Variants in SRD5A2 observed in about 807,000 individuals in gnomAD.
SRD5A2 encodes steroid 5 alpha-reductase 2, also known as 3-oxo-5-alpha-steroid 4-dehydrogenase 2.
SRD5A2 carries 30 observed loss-of-function variants against 27.4 expected under a neutral mutation model. That is an observed-to-expected ratio of 1.10 (90% CI 0.82 to 1.49). SRD5A2 has a LOEUF of 1.49. Ranked by LOEUF, SRD5A2 falls within the 40% of genes most tolerant of loss-of-function variation. The pLI is 0.00. For missense variants in SRD5A2, 348 were observed against 323.4 expected (o/e 1.08, Z -0.58); for synonymous variants, 141 against 133.6 (o/e 1.06, Z -0.38).
chr2:31,579,977 T>C (rs1184818586), intron 1 of SRD5A2, among the ~76,000 whole-genome samples: 2 of 152,178 alleles, frequency 1.3e-5, no homozygotes, highest in Admixed American at 1.3e-4. Flanking sequence ...TTGGTCCCTT[T>C]TGGGAGGGGC....
At chr2:31,539,399 G>GT (rs2148070863) in intron 1 of SRD5A2, among the ~76,000 whole-genome samples, 1 of 152,314 alleles carries the variant, frequency 6.6e-6, no homozygotes, top group Admixed American at 6.5e-5. Flanking sequence ...TAGTTGCTTT[G>GT]TTATAACAAA....
chr2:31,542,734 A>G (rs953970074), intron 1 of SRD5A2, among the ~76,000 whole-genome samples: 1 of 152,136 alleles, frequency 6.6e-6, no homozygotes, highest in Non-Finnish European at 1.5e-5. Context: ...AATGGAAATC[A>G]TCAAGTCTGA....
the SRD5A2 span, among the ~76,000 whole-genome samples, chr2:31,652,085 G>T: frequency 4.6e-5 from 7 of 152,108 alleles, no homozygotes; most frequent in African/African-American, 1.7e-4. Flanking sequence ...TAGCCCCCCA[G>T]TAGCTGGGAC....
At chr2:31,630,597 A>T in the SRD5A2 span, among the ~76,000 whole-genome samples, 1 of 152,204 alleles carries the variant, frequency 6.6e-6, no homozygotes, top group Non-Finnish European at 1.5e-5. Context: ...AATGCATTCA[A>T]TCTGTAGCGG....
the SRD5A2 span, among the ~76,000 whole-genome samples, chr2:31,644,379 A>G: frequency 1.3e-5 from 2 of 152,192 alleles, no homozygotes; most frequent in African/African-American, 4.8e-5. Context: ...GAGGAAGAAG[A>G]GGAATACCTA....
Position 31,522,985 on chromosome 2 carries a change from G to A in SRD5A2, c.*3211C>T, listed in dbSNP as rs541350910. The A allele has an allele frequency of 6.1e-4, 134 of 220,806 alleles. No homozygotes were observed. The highest frequency in any genetic ancestry group is 2.9e-3 in the African/African-American group (128 of 44,688). The allele number at this position is 220,806 out of a possible 1,614,324, so 13.7% of individuals were successfully genotyped here. On this transcript the variant is annotated 3_prime_UTR_variant, in exon 5 of 5. Coordinates refer to ENST00000622030, the MANE Select transcript of SRD5A2 (RefSeq NM_000348.4). ...TCAAACTTCAGGGTTGTAAAACCACGGATTTATTTATTTGTTCCTGAAAGG... is the reference window on the plus strand; with the variant it reads ...TCAAACTTCAGGGTTGTAAAACCACAGATTTATTTATTTGTTCCTGAAAGG...
chr2:31,610,846 G>A, the SRD5A2 span, among the ~76,000 whole-genome samples: 3 of 152,132 alleles, frequency 2.0e-5, no homozygotes, highest in Non-Finnish European at 4.4e-5. Flanking sequence ...GGTGGCTCAT[G>A]CCTGTAATCC....
At chr2:31,577,329 C>G (rs189683842) in intron 1 of SRD5A2, among the ~76,000 whole-genome samples, 336 of 152,086 alleles carry the variant, frequency 2.2e-3, no homozygotes, top group Non-Finnish European at 3.3e-3. Context: ...ATTGACCTAA[C>G]TATGCAATCT....
chr2:31,590,449 G>T, the SRD5A2 span, among the ~76,000 whole-genome samples: 1 of 152,058 alleles, frequency 6.6e-6, no homozygotes, highest in African/African-American at 2.4e-5. Context: ...ATTGTGAATG[G>T]GAGTTCACTC....
the SRD5A2 span, among the ~76,000 whole-genome samples, chr2:31,589,365 A>T: frequency 6.6e-6 from 1 of 152,184 alleles, no homozygotes; most frequent in Non-Finnish European, 1.5e-5. Context: ...GTAGACACGA[A>T]TTCAGTCAGT....
the SRD5A2 span, among the ~76,000 whole-genome samples, chr2:31,632,233 A>G: frequency 6.6e-6 from 1 of 152,190 alleles, no homozygotes; most frequent in Non-Finnish European, 1.5e-5. Flanking sequence ...GACAAACGAC[A>G]TAAGAAAAAG....
At chr2:31,580,480 A>T (rs1667049922) in intron 1 of SRD5A2, 140 bp downstream of exon 1, 1 of 1,098,882 alleles carries the variant, frequency 9.1e-7, no homozygotes, top group Non-Finnish European at 1.2e-6. Context: ...CAGGTGCGCC[A>T]GGCAGGCTGG....
the SRD5A2 span, among the ~76,000 whole-genome samples, chr2:31,636,482 C>G: frequency 1.3e-5 from 2 of 152,058 alleles, no homozygotes; most frequent in South Asian, 4.2e-4. Context: ...TTTCTCTTGT[C>G]TAATTGCTCT....
the SRD5A2 span, among the ~76,000 whole-genome samples, chr2:31,647,580 C>G: frequency 6.6e-6 from 1 of 152,106 alleles, no homozygotes; most frequent in South Asian, 2.1e-4. Flanking sequence ...GTTATAAATG[C>G]TATAATATTC....
At chr2:31,572,026 T>C (rs1293710549) in intron 1 of SRD5A2, among the ~76,000 whole-genome samples, 1 of 99,248 alleles carries the variant, frequency 1.0e-5, no homozygotes, top group Middle Eastern at 4.5e-3. Flanking sequence ...GACACATGCA[T>C]GTGCATGCTC....
At chr2:31,654,567 G>T in the SRD5A2 span, among the ~76,000 whole-genome samples, 8 of 152,132 alleles carry the variant, frequency 5.3e-5, no homozygotes, top group South Asian at 1.7e-3. Flanking sequence ...GCATTCCTTT[G>T]TCCCCATCTT....
the SRD5A2 span, among the ~76,000 whole-genome samples, chr2:31,624,333 T>C: frequency 6.6e-6 from 1 of 152,078 alleles, no homozygotes; most frequent in African/African-American, 2.4e-5. Flanking sequence ...ACTCATCCTT[T>C]CTGTTTTTTT....
chr2:31,622,114 C>T, the SRD5A2 span, among the ~76,000 whole-genome samples: 1 of 152,014 alleles, frequency 6.6e-6, no homozygotes, highest in Non-Finnish European at 1.5e-5. Context: ...TGATGCTCTC[C>T]TTCCCTCCAC....
chr2:31,662,346 G>A, the SRD5A2 span, among the ~76,000 whole-genome samples: 1 of 152,044 alleles, frequency 6.6e-6, no homozygotes, highest in Non-Finnish European at 1.5e-5. Flanking sequence ...TTGAGACAGA[G>A]TCTCACTCTG....
Sources: gnomAD v4.1 joint callset for allele counts (sites outside exome capture counted in the v4.1 genomes callset) on GRCh38, gnomAD v4.1.1 for gene constraint, MANE v1.5 for transcripts, NCBI Gene and HGNC (gene_info 2026-07-23, HGNC 2026-07-21) for gene names.